The following COLEC12 variants were observed in gnomAD, a reference collection of about 807,000 sequenced individuals.
COLEC12 encodes the protein collectin subfamily member 12.
In COLEC12, 33 loss-of-function variants were observed where a neutral mutation model predicts 71.1. The observed-to-expected ratio is 0.46, with a 90% CI of 0.35 to 0.62. The LOEUF is 0.62. Ranked by LOEUF, COLEC12 falls within the 20% of genes least tolerant of loss-of-function variation. The pLI is 0.00. For missense variants in COLEC12, 765 were observed against 916.1 expected (o/e 0.84, Z 2.13); for synonymous variants, 350 against 353.0 (o/e 0.99, Z 0.10).
intron 2 of COLEC12, among the ~76,000 whole-genome samples, chr18:359,537 CT>C (rs1409852339): frequency 6.6e-6 from 1 of 152,166 alleles, no homozygotes; most frequent in Non-Finnish European, 1.5e-5. Context: ...TAAATTTTTA[CT>C]GCTAAAAGGT....
intron 2 of COLEC12, among the ~76,000 whole-genome samples, chr18:471,366 T>G (rs1234309488): frequency 6.6e-6 from 1 of 151,680 alleles, no homozygotes; most frequent in Non-Finnish European, 1.5e-5. Context: ...TCTTCCAAAT[T>G]TTTTTTCTTC....
chr18:398,106 A>G (rs1915608417), intron 2 of COLEC12, among the ~76,000 whole-genome samples: 1 of 152,242 alleles, frequency 6.6e-6, no homozygotes, highest in Admixed American at 6.5e-5. Context: ...GTCTTCATGC[A>G]TCTTTGCCTC....
At chr18:469,070 TC>T (rs1917143036) in intron 2 of COLEC12, among the ~76,000 whole-genome samples, 1 of 152,274 alleles carries the variant, frequency 6.6e-6, no homozygotes, top group African/African-American at 2.4e-5. Context: ...CGAGTTTATA[TC>T]AAAACAGATT....
At chr18:328,471 A>C (rs568347720) in intron 8 of COLEC12, among the ~76,000 whole-genome samples, 14 of 152,326 alleles carry the variant, frequency 9.2e-5, no homozygotes, top group African/African-American at 2.9e-4. Flanking sequence ...TGGACATCCC[A>C]ATCAGGATAC....
chr18:343,511 T>G (rs1406597913), intron 5 of COLEC12, among the ~76,000 whole-genome samples: 4 of 151,636 alleles, frequency 2.6e-5, no homozygotes, highest in African/African-American at 9.7e-5. Flanking sequence ...TGCTCTCTAT[T>G]CTCCTCGCAG....
In COLEC12 at chr18:347,792, A is replaced by C. The variant is rs900817429; in HGVS notation, c.280+273T>G. ...ATTCCTATTTATGTGACAGTTTTTA[A>C]TAAAGGGTATTTGTGTTTTTTTTCA... On this transcript the variant is annotated intron_variant, in intron 4 of 9. Coordinates refer to ENST00000400256, the MANE Select transcript of COLEC12 (RefSeq NM_130386.3). Among the ~76,000 whole-genome samples the C allele has an allele frequency of 3.2e-4, 49 of 152,210 alleles. 1 individual carries two copies. The highest frequency in any genetic ancestry group is 7.1e-4 in the Non-Finnish European group (48 of 68,024).
At chr18:451,608 G>A (rs1056295560) in intron 2 of COLEC12, among the ~76,000 whole-genome samples, 2 of 152,080 alleles carry the variant, frequency 1.3e-5, no homozygotes, top group Non-Finnish European at 2.9e-5. Context: ...TTAGCCAGGA[G>A]TGGTGGCAGG....
At chr18:407,723 C>T (rs1915817745) in intron 2 of COLEC12, among the ~76,000 whole-genome samples, 1 of 152,168 alleles carries the variant, frequency 6.6e-6, no homozygotes, top group South Asian at 2.1e-4. Context: ...CAATGTGTGA[C>T]CGAATGCCTA....
chr18:377,624 C>T (rs898207997), intron 2 of COLEC12, among the ~76,000 whole-genome samples: 4 of 152,208 alleles, frequency 2.6e-5, no homozygotes, highest in East Asian at 3.8e-4. Context: ...GGGAGAAGTG[C>T]GCTGGGCTGG....
At chr18:326,553 C>T (rs973762839) in intron 8 of COLEC12, among the ~76,000 whole-genome samples, 3 of 152,112 alleles carry the variant, frequency 2.0e-5, no homozygotes, top group South Asian at 2.1e-4. Context: ...TTCACCATGT[C>T]GGCCTGGATG....
In COLEC12 at chr18:399,509, A is replaced by G. The variant is rs1350181116; in HGVS notation, c.59-41987T>C. On this transcript the variant is annotated intron_variant, in intron 2 of 9. Transcript: ENST00000400256. The surrounding 1 kb of genome is among the most constrained non-coding windows in gnomAD (Gnocchi z 4.0). ...TCATTCACTAATGTATTCATTTAGCAAATATTTATTGACCTCCTCCTAAGT... is the reference window on the plus strand; with the variant it reads ...TCATTCACTAATGTATTCATTTAGCGAATATTTATTGACCTCCTCCTAAGT... 6.6e-6 allele frequency among the ~76,000 whole-genome samples: 1 copy of G among 152,198 alleles called. No individual in the cohort carries two copies. The highest frequency in any genetic ancestry group is 1.5e-5 in the Non-Finnish European group (1 of 68,042).
intron 2 of COLEC12, among the ~76,000 whole-genome samples, chr18:446,556 T>TAAAA (rs1567910495): frequency 7.7e-5 from 4 of 51,626 alleles, no homozygotes; most frequent in Non-Finnish European, 3.9e-5. Flanking sequence ...AAAAAAAAAT[T>TAAAA]TTTTTTTTTT....
chr18:426,804 T>C (rs540752523), intron 2 of COLEC12, among the ~76,000 whole-genome samples: 81 of 152,312 alleles, frequency 5.3e-4, no homozygotes, highest in African/African-American at 1.8e-3. Context: ...AGCACTCTTG[T>C]AGCCATTTTA....
chr18:333,361 T>C (rs1914028668), intron 6 of COLEC12: 1 of 452,098 alleles, frequency 2.2e-6, no homozygotes, highest in Non-Finnish European at 3.9e-6. Context: ...CTGGAAAAGA[T>C]CTTTGACTGG....
chr18:442,489 G>A (rs1475508477), intron 2 of COLEC12, among the ~76,000 whole-genome samples: 1 of 152,240 alleles, frequency 6.6e-6, no homozygotes. Context: ...AGGTTCAGCT[G>A]TTGAGTTCTG....
chr18:463,212 T>C (rs1027617816), intron 2 of COLEC12, among the ~76,000 whole-genome samples: 4 of 152,252 alleles, frequency 2.6e-5, no homozygotes, highest in African/African-American at 9.6e-5. Flanking sequence ...CTTGGCAAAG[T>C]AGTCATTGAT....
intron 2 of COLEC12, among the ~76,000 whole-genome samples, chr18:422,201 C>T (rs376424368): frequency 5.9e-5 from 9 of 152,290 alleles, no homozygotes; most frequent in South Asian, 2.1e-4. Flanking sequence ...ATTAGGACTA[C>T]GTAATTTGCC....
chr18:385,213 T>C (rs992613795), intron 2 of COLEC12, among the ~76,000 whole-genome samples: 1 of 152,078 alleles, frequency 6.6e-6, no homozygotes, highest in African/African-American at 2.4e-5. Context: ...ATAAGAAAGA[T>C]CAGGTTAAAA....
chr18:480,845 C>T lies in COLEC12; in HGVS notation c.8-88G>A, dbSNP rs1917401481. ...CAGGATGCGACCTGCTTCATCGCCC[C>T]TGCTTGTCACAGCAGCTTTCCTTCT... On this transcript the variant is annotated intron_variant, in intron 1 of 9. Transcript: ENST00000400256. The surrounding 1 kb of genome is among the most constrained non-coding windows in gnomAD (Gnocchi z 4.1). The T allele has an allele frequency of 9.0e-6, 10 of 1,109,430 alleles. No homozygotes were observed. The highest frequency in any genetic ancestry group is 2.0e-4 in the Middle Eastern group (1 of 5,110). 68.7% of individuals were successfully genotyped at this position (1,109,430 alleles called of 1,614,324 possible). A position where few individuals can be genotyped will look rare whatever the true frequency, so the allele number is the denominator to read the frequency against.
Sources: gnomAD v4.1 joint callset for allele counts (sites outside exome capture counted in the v4.1 genomes callset) on GRCh38, gnomAD v4.1.1 for gene constraint, Gnocchi (gnomAD v3.1) non-coding constraint, MANE v1.5 for transcripts, NCBI Gene and HGNC (gene_info 2026-07-23, HGNC 2026-07-21) for gene names.